The following TRAK1 variants were observed in gnomAD, a reference collection of about 807,000 sequenced individuals.
The protein encoded by TRAK1 is trafficking kinesin protein 1, also known as trafficking kinesin-binding protein 1.
Under a neutral mutation model 92.1 loss-of-function variants are expected in TRAK1, and 33 were observed. The ratio of observed to expected loss-of-function variants is 0.36; its 90% confidence interval spans 0.27 to 0.48. TRAK1 has a LOEUF of 0.48. TRAK1 is among the 20% of genes least tolerant of loss of function. TRAK1 has a pLI of 0.99. For missense variants in TRAK1, 1,123 were observed against 1,257.9 expected, an observed-to-expected ratio of 0.89 and a Z score of 1.62; for synonymous variants, 521 against 517.3, an observed-to-expected ratio of 1.01 and a Z score of -0.10.
chr3:42,033,093 G>T (rs1402673565), intron 1 of TRAK1, among the ~76,000 whole-genome samples: 1 of 152,170 alleles, frequency 6.6e-6, no homozygotes, highest in South Asian at 2.1e-4. Context: ...CACATTCCCA[G>T]TGCTTTTTAA....
At chr3:42,129,772 T>G in intron 2 of TRAK1, among the ~76,000 whole-genome samples, 1 of 152,088 alleles carries the variant, frequency 6.6e-6, no homozygotes, top group Non-Finnish European at 1.5e-5. Context: ...TCAGGGAAGT[T>G]AGGGAAAAGT....
At chr3:42,221,730 G>A (rs890374481) in intron 15 of TRAK1, 4 of 152,186 alleles carry the variant, frequency 2.6e-5, no homozygotes. Flanking sequence ...CTGTTAGGAG[G>A]GCTGTGCATC....
intron 1 of TRAK1, among the ~76,000 whole-genome samples, chr3:42,042,559 T>C (rs951191431): frequency 4.0e-5 from 6 of 151,320 alleles, no homozygotes; most frequent in African/African-American, 1.5e-4. Context: ...TTTGTAGAGA[T>C]GGGGTTTTGC....
At chr3:42,143,932 A>G (rs2149231015) in intron 2 of TRAK1, among the ~76,000 whole-genome samples, 1 of 152,192 alleles carries the variant, frequency 6.6e-6, no homozygotes. Flanking sequence ...AATTGCTTGA[A>G]GCTCGTAAAA....
At chr3:42,154,800 C>T (rs952310671) in intron 2 of TRAK1, among the ~76,000 whole-genome samples, 1 of 152,158 alleles carries the variant, frequency 6.6e-6, no homozygotes, top group Non-Finnish European at 1.5e-5. Context: ...CAACCCTGCT[C>T]TCTAGGAGCA....
intron 4 of TRAK1, 91 bp from the exon 5 acceptor site, chr3:42,187,954 T>C (rs1178975669): frequency 9.5e-7 from 1 of 1,050,356 alleles, no homozygotes; most frequent in Non-Finnish European, 1.5e-6. Flanking sequence ...CAGAAAAATA[T>C]TGTCCCTAAG....
intron 1 of TRAK1, among the ~76,000 whole-genome samples, chr3:42,021,984 C>A (rs1316472201): frequency 6.6e-6 from 1 of 152,200 alleles, no homozygotes; most frequent in African/African-American, 2.4e-5. Flanking sequence ...ATGATCCATT[C>A]ATCCAAAAAT....
chr3:42,181,161 C>T (rs532532709), intron 3 of TRAK1, among the ~76,000 whole-genome samples: 100 of 152,244 alleles, frequency 6.6e-4, no homozygotes, highest in Non-Finnish European at 1.2e-3. Flanking sequence ...CCGCATCCTT[C>T]AGGTGCTCTG....
At chr3:42,149,149 C>A in intron 2 of TRAK1, 1 of 999,160 alleles carries the variant, frequency 1.0e-6, no homozygotes, top group Non-Finnish European at 1.2e-6. Flanking sequence ...GAGCAGGAGA[C>A]GAGGCTTGAG....
At chr3:42,064,521 C>G (rs994599556) in intron 1 of TRAK1, among the ~76,000 whole-genome samples, 1 of 152,144 alleles carries the variant, frequency 6.6e-6, no homozygotes, top group Admixed American at 6.5e-5. Context: ...ATCTAGGAAG[C>G]TACCATGTGA....
At chr3:42,074,803 C>T (rs1704079570) in intron 1 of TRAK1, among the ~76,000 whole-genome samples, 2 of 151,756 alleles carry the variant, frequency 1.3e-5, no homozygotes, top group South Asian at 4.2e-4. Flanking sequence ...GTAATTAGCA[C>T]TGTACCTAAT....
At chr3:42,177,061 A>G (rs1703324672) in intron 3 of TRAK1, among the ~76,000 whole-genome samples, 171 bp downstream of exon 3, 1 of 152,212 alleles carries the variant, frequency 6.6e-6, no homozygotes. Context: ...GTAGGCCTTT[A>G]TAGCTGTAAT....
chr3:42,138,963 T>C (rs1351985088), intron 2 of TRAK1, among the ~76,000 whole-genome samples: 1 of 148,326 alleles, frequency 6.7e-6, no homozygotes, highest in Non-Finnish European at 1.5e-5. Flanking sequence ...AAAGAGTCTG[T>C]TGTCACCTAG....
intron 15 of TRAK1, among the ~76,000 whole-genome samples, chr3:42,222,118 G>A (rs1322736752): frequency 6.6e-6 from 1 of 152,126 alleles, no homozygotes; most frequent in Non-Finnish European, 1.5e-5. Flanking sequence ...CCCAACTGCT[G>A]GAACCTAGCA....
chr3:42,043,620 G>GA (rs952854170), intron 1 of TRAK1, among the ~76,000 whole-genome samples: 4 of 151,848 alleles, frequency 2.6e-5, no homozygotes, highest in Non-Finnish European at 2.9e-5. Context: ...GGAGCTGGGG[G>GA]GGGGGCGGGG....
chr3:42,060,688 TGCGATCTCTACGCAC>T (rs1367878566), intron 1 of TRAK1, among the ~76,000 whole-genome samples: 3 of 147,640 alleles, frequency 2.0e-5, no homozygotes, highest in African/African-American at 7.7e-5. Context: ...AGTGCAGTGG[TGCGATCTCTACGCAC>T]TGCAACCTCC....
At chr3:42,221,326 C>T (rs73060358) in intron 15 of TRAK1, among the ~76,000 whole-genome samples, 3,517 of 152,084 alleles carry the variant, frequency 0.023, 58 homozygotes, top group Non-Finnish European at 0.035. Context: ...CATGCTTTTC[C>T]GAGTCCCCCA....
chr3:42,104,731 C>G (rs1707278654), intron 1 of TRAK1, among the ~76,000 whole-genome samples: 2 of 152,132 alleles, frequency 1.3e-5, no homozygotes, highest in Admixed American at 6.5e-5. Flanking sequence ...GATAAAACCA[C>G]AAAGATGGGG....
chr3:42,173,164 T>A (rs993468280), intron 2 of TRAK1, among the ~76,000 whole-genome samples: 27 of 152,052 alleles, frequency 1.8e-4, no homozygotes, highest in Non-Finnish European at 5.9e-5. Context: ...GAAAAAAAAA[T>A]TATCGTAGAG....
Sources: gnomAD v4.1 joint callset for allele counts (sites outside exome capture counted in the v4.1 genomes callset) on GRCh38, gnomAD v4.1.1 for gene constraint, MANE v1.5 for transcripts, NCBI Gene and HGNC (gene_info 2026-07-23, HGNC 2026-07-21) for gene names.